The following PCNT variants were observed in gnomAD, a reference collection of about 807,000 sequenced individuals.
PCNT encodes the protein pericentrin, also known as kendrin.
Under a neutral mutation model 380.4 loss-of-function variants are expected in PCNT, and 319 were observed. That is an observed-to-expected ratio of 0.84 (90% CI 0.77 to 0.92). The LOEUF is 0.92. Ranked by LOEUF, PCNT falls within the 40% of genes least tolerant of loss-of-function variation. PCNT has a pLI of 0.00. For missense variants in PCNT, 4,400 were observed against 4,255.3 expected (o/e 1.03, Z -0.95); for synonymous variants, 1,845 against 1,735.2 (o/e 1.06, Z -1.57).
intron 36 of PCNT, 93 bp from the exon 37 acceptor site, chr21:46,430,414 T>G: frequency 1.3e-6 from 2 of 1,496,590 alleles, no homozygotes; most frequent in Non-Finnish European, 1.8e-6. Context: ...GTGTGGGACC[T>G]GGCAGGGCTC....
In PCNT at chr21:46,436,108, G is replaced by A. The variant is rs201877661; in HGVS notation, c.8956G>A (p.Ala2986Thr). 112 of 1,610,460 alleles carry A rather than the reference G, an allele frequency of 7.0e-5. No individual in the cohort carries two copies. The highest frequency in any genetic ancestry group is 4.8e-4 in the Admixed American group (29 of 60,000). ...EAMRQRLLSA[A>T]RLLTSFTSQA... ...GATGAGGCAGCGGCTGCTCTCTGCCGCCCGGCTTCTCACCAGCTTCACCAG... is the reference window on the plus strand; with the variant it reads ...GATGAGGCAGCGGCTGCTCTCTGCCACCCGGCTTCTCACCAGCTTCACCAG... The change falls in exon 39 of 47, where the codon GCC becomes ACC. Residue 2986 changes from alanine (A) to threonine (T), a missense_variant. Coordinates refer to ENST00000359568, the MANE Select transcript of PCNT (RefSeq NM_006031.6).
At chr21:46,363,454 C>G (rs199875024) in intron 13 of PCNT, 26 bp from the exon 14 acceptor site, 30 of 1,581,422 alleles carry the variant, frequency 1.9e-5, no homozygotes, top group Non-Finnish European at 2.5e-5. Context: ...CGTCTTTCCT[C>G]CTAAATGAAA....
chr21:46,429,585 C>T (rs567836882), intron 35 of PCNT, among the ~76,000 whole-genome samples: 6 of 152,288 alleles, frequency 3.9e-5, no homozygotes, highest in South Asian at 2.1e-4. Context: ...GCCAGCCCCA[C>T]GGGGTGCGGG....
intron 31 of PCNT, among the ~76,000 whole-genome samples, chr21:46,420,050 G>A (rs1214866510): frequency 1.3e-5 from 2 of 152,130 alleles, no homozygotes; most frequent in African/African-American, 2.4e-5. Flanking sequence ...GGAAGGTATC[G>A]CGTGCCTGTC....
chr21:46,359,045 T>C (rs2084588613), intron 13 of PCNT, among the ~76,000 whole-genome samples: 1 of 152,034 alleles, frequency 6.6e-6, no homozygotes, highest in Non-Finnish European at 1.5e-5. Flanking sequence ...CCTGACCTCG[T>C]GATCCACCCG....
chr21:46,361,952 T>G (rs1217742182), intron 13 of PCNT, among the ~76,000 whole-genome samples: 11 of 152,218 alleles, frequency 7.2e-5, no homozygotes, highest in South Asian at 6.2e-4. Context: ...GTTTTCCTGC[T>G]TATTTATGGG....
chr21:46,439,676 T>G (rs1389295779), intron 41 of PCNT, among the ~76,000 whole-genome samples: 1 of 152,208 alleles, frequency 6.6e-6, no homozygotes, highest in African/African-American at 2.4e-5. Flanking sequence ...GTTGAATCCA[T>G]GGATGTGGAA....
Position 46,418,220 on chromosome 21 carries a change from AT to A in PCNT, c.6942del (p.Phe2314LeufsTer12). On this transcript the variant is annotated frameshift_variant, in exon 31 of 47. Coordinates refer to ENST00000359568, the MANE Select transcript of PCNT (RefSeq NM_006031.6). LOFTEE classifies it high-confidence loss of function. ...QRTAVEKDVE[D>X]FITTSFDSQE... is the part of the protein sequence containing the mutation. ...TCTTAACAGGAGAAAGATGTCGAAG[AT>A]TTTATCACAACATCCTTTGATTCTC... The A allele has an allele frequency of 6.3e-7, 1 of 1,599,632 alleles. No homozygotes were observed. Among genetic ancestry groups the A allele is most frequent in the Non-Finnish European group, 8.6e-7 (1 of 1,167,098 alleles).
At chr21:46,429,594 G>A (rs1483990269) in intron 35 of PCNT, among the ~76,000 whole-genome samples, 1 of 152,182 alleles carries the variant, frequency 6.6e-6, no homozygotes, top group Non-Finnish European at 1.5e-5. Flanking sequence ...ACGGGGTGCG[G>A]GAAGTATTTG....
intron 32 of PCNT, among the ~76,000 whole-genome samples, chr21:46,422,987 C>A (rs1602056013): frequency 6.6e-6 from 1 of 152,154 alleles, no homozygotes; most frequent in South Asian, 2.1e-4. Context: ...GTGGCTCATG[C>A]CTATGATCCC....
intron 39 of PCNT, among the ~76,000 whole-genome samples, chr21:46,436,367 G>A (rs1011541281): frequency 2.7e-5 from 4 of 150,878 alleles, no homozygotes; most frequent in African/African-American, 4.9e-5. Flanking sequence ...TTCAAAATAC[G>A]CCTGACGTGG....
chr21:46,397,730 T>A (rs1224258314), intron 22 of PCNT, among the ~76,000 whole-genome samples: 1 of 152,154 alleles, frequency 6.6e-6, no homozygotes, highest in Non-Finnish European at 1.5e-5. Flanking sequence ...CTTCTCACAG[T>A]CACGGAGGCG....
intron 3 of PCNT, among the ~76,000 whole-genome samples, chr21:46,334,993 C>T (rs539063461): frequency 5.9e-5 from 9 of 152,166 alleles, no homozygotes; most frequent in Admixed American, 1.3e-4. Context: ...CTCTTCATAC[C>T]CTTCTCCCTG....
chr21:46,403,267 T>TAG, intron 27 of PCNT, among the ~76,000 whole-genome samples: 1 of 127,370 alleles, frequency 7.9e-6, no homozygotes, highest in Middle Eastern at 6.2e-3. Flanking sequence ...CGTGGGAGAA[T>TAG]TGTGTGTGTG....
chr21:46,441,199 A>T, intron 43 of PCNT, 115 bp downstream of exon 43: 1 of 736,312 alleles, frequency 1.4e-6, no homozygotes. Context: ...TGTTCTTTTT[A>T]AAGATGAATG....
In PCNT at chr21:46,416,302, A is replaced by T; in HGVS notation, c.6384A>T (p.Thr2128=). 1 of 1,613,878 alleles carries T rather than the reference A, an allele frequency of 6.2e-7. No individual in the cohort carries two copies. Among genetic ancestry groups the T allele is most frequent in the South Asian group, 1.1e-5 (1 of 91,070 alleles). ...CTGACATATCACCCCACATAGACAC[A>T]TGTGATGCCAATACAGCCACGGGGG... The part of the protein sequence containing the change: ...EEPDISPHID[T]CDANTATGGV... Residue 2128 remains threonine, a synonymous_variant, in exon 30 of 47, where the codon ACA becomes ACT. Coordinates refer to ENST00000359568, the MANE Select transcript of PCNT (RefSeq NM_006031.6).
At chr21:46,393,621 G>T (rs895279889) in intron 21 of PCNT, among the ~76,000 whole-genome samples, 1 of 152,170 alleles carries the variant, frequency 6.6e-6, no homozygotes, top group African/African-American at 2.4e-5. Flanking sequence ...CAGGCCTCCG[G>T]GCAGATAAAG....
At chr21:46,340,954 G>A (rs2083895593) in intron 3 of PCNT, among the ~76,000 whole-genome samples, 2 of 152,158 alleles carry the variant, frequency 1.3e-5, no homozygotes, top group Admixed American at 6.5e-5. Flanking sequence ...TGCCATCTCA[G>A]CTCACTGCAA....
intron 34 of PCNT, 131 bp downstream of exon 34, chr21:46,427,926 CACTT>C (rs1302656249): frequency 1.3e-5 from 13 of 1,015,492 alleles, no homozygotes; most frequent in Non-Finnish European, 1.8e-5. Flanking sequence ...ATGTGGCTGT[CACTT>C]ACCCAGGTGT....
Sources: gnomAD v4.1 joint callset for allele counts (sites outside exome capture counted in the v4.1 genomes callset) on GRCh38, gnomAD v4.1.1 for gene constraint, MANE v1.5 for transcripts, NCBI Gene and HGNC (gene_info 2026-07-23, HGNC 2026-07-21) for gene names.